Variants in CCDC74A observed in about 807,000 individuals in gnomAD.
CCDC74A encodes the protein coiled-coil domain containing 74A.
Under a neutral mutation model 37.6 loss-of-function variants are expected in CCDC74A, and 38 were observed. The ratio of observed to expected loss-of-function variants is 1.01; its 90% CI spans 0.78 to 1.33. The LOEUF is 1.33. CCDC74A is among the 40% of genes most tolerant of loss of function. CCDC74A has a pLI of 0.00. For missense variants in CCDC74A, 340 were observed against 403.4 expected (o/e 0.84, Z 1.35); for synonymous variants, 134 against 165.2 (o/e 0.81, Z 1.45).
At chr2:131,527,346 G>T (rs574409215), upstream of CCDC74A, among the ~76,000 whole-genome samples, 25 of 152,120 alleles carry the variant, frequency 1.6e-4, no homozygotes, top group African/African-American at 6.0e-4. Context: ...GCTCACTGCA[G>T]CCTCGACCTC....
chr2:131,524,300 C>T (rs1231418593), upstream of CCDC74A, among the ~76,000 whole-genome samples: 1 of 152,060 alleles, frequency 6.6e-6, no homozygotes, highest in East Asian at 1.9e-4. Context: ...GTATGGGTGC[C>T]AGGTTGACAA....
chr2:131,522,958 G>A (rs567638033), upstream of CCDC74A, among the ~76,000 whole-genome samples: 3 of 152,268 alleles, frequency 2.0e-5, no homozygotes, highest in Non-Finnish European at 4.4e-5. Flanking sequence ...AGGCTGGAGT[G>A]CACTGCACCA....
chr2:131,526,466 A>T (rs1378613412), upstream of CCDC74A, among the ~76,000 whole-genome samples: 1 of 152,034 alleles, frequency 6.6e-6, no homozygotes, highest in African/African-American at 2.4e-5. Context: ...TCTTTAGATT[A>T]TTTCTTAGAA....
chr2:131,523,848 AC>A (rs1226053821), upstream of CCDC74A, among the ~76,000 whole-genome samples: 1 of 151,430 alleles, frequency 6.6e-6, no homozygotes, highest in African/African-American at 2.4e-5. Flanking sequence ...TCCTAAACAC[AC>A]TGCATGTGTT....
chr2:131,524,460 A>G (rs1160671500), upstream of CCDC74A, among the ~76,000 whole-genome samples: 2 of 152,206 alleles, frequency 1.3e-5, no homozygotes, highest in East Asian at 3.8e-4. Context: ...GCAGCCATGC[A>G]TACATTTCTG....
chr2:131,526,161 T>A (rs1035042664), upstream of CCDC74A, among the ~76,000 whole-genome samples: 3 of 150,496 alleles, frequency 2.0e-5, no homozygotes, highest in African/African-American at 4.9e-5. Context: ...TTTTTTTTTT[T>A]TCTGAGATGG....
rs775412202 is a variant in CCDC74A at position 131,530,261 on chromosome 2, A to C, written c.296-516A>C. 7.1e-6 allele frequency: 11 copies of C among 1,544,828 alleles called. No individual in the cohort carries two copies. The South Asian group carries it at 1.1e-4, about 15-fold the overall frequency. On this transcript the variant is annotated intron_variant, in intron 2 of 7. Transcript: ENST00000409856. ...GCCCAGGATCCTGGGCTGTGGTCTC[A>C]AGCTCACTTCCCATTATCTTTGGGG...
Position 131,533,083 on chromosome 2 carries a change from G to A in CCDC74A, c.809+14G>A, listed in dbSNP as rs753026886. 4.3e-6 allele frequency: 7 copies of A among 1,613,602 alleles called. No individual in the cohort carries two copies. The highest frequency in any genetic ancestry group is 3.3e-5 in the Admixed American group (2 of 59,992). ...CTCCAAGAAATGGTAAGTCCCACAG[G>A]CATGGGGACAGTGGGGCAGCCCTGC... On this transcript the variant is annotated intron_variant, in intron 7 of 7. Transcript: ENST00000409856.
intron 1 of CCDC74A, among the ~76,000 whole-genome samples, chr2:131,528,897 C>G (rs576593955): frequency 2.0e-5 from 3 of 152,072 alleles, no homozygotes; most frequent in Non-Finnish European, 2.9e-5. Flanking sequence ...CTAAACACAT[C>G]GGATCAGGAG....
chr2:131,532,723 G>C lies in CCDC74A; in HGVS notation c.620G>C (p.Arg207Thr), dbSNP rs746887280. Reference sequence around the variant, plus strand: ...CCCCTGCGAAAGCCCACCACACTTAGGCAGTGCGAAGTGCTCATCCGCGAG... The same window carrying C: ...CCCCTGCGAAAGCCCACCACACTTACGCAGTGCGAAGTGCTCATCCGCGAG... ...PLPLRKPTTLRQCEVLIRELW... is the reference protein window; with the variant it reads ...PLPLRKPTTLTQCEVLIRELW... The change falls in exon 5 of 8, where the codon AGG becomes ACG. Residue 207 changes from arginine (R) to threonine (T), a missense_variant. Around this residue, in one of 3 missense-constraint regions of CCDC74A, gnomAD observed 185 missense variants for 231.5 expected, o/e 0.80. Coordinates refer to ENST00000409856, the MANE Select transcript of CCDC74A (RefSeq NM_001258306.3). 4 of 1,613,686 alleles carry C rather than the reference G, an allele frequency of 2.5e-6. No homozygotes were observed. The South Asian group carries it at 4.4e-5, about 18-fold the overall frequency.
At chr2:131,527,429 GT>G (rs968943683), upstream of CCDC74A, among the ~76,000 whole-genome samples, 3 of 151,870 alleles carry the variant, frequency 2.0e-5, no homozygotes, top group African/African-American at 2.4e-5. Context: ...CCATGCCCGG[GT>G]TTTTTTTCTT....
intron 6 of CCDC74A, 30 bp downstream of exon 6, chr2:131,532,967 C>G (rs1681621687): frequency 1.9e-6 from 3 of 1,613,970 alleles, no homozygotes; most frequent in Non-Finnish European, 2.5e-6. Context: ...CTGCCCCATC[C>G]CTGGGGTCCT....
chr2:131,527,815 T>G (rs1043108476), upstream of CCDC74A: 1 of 1,051,038 alleles, frequency 9.5e-7, no homozygotes, highest in African/African-American at 1.7e-5. Flanking sequence ...TGTAAATCAC[T>G]ACTCACCCAG....
At chr2:131,523,193 C>T (rs115439674), upstream of CCDC74A, among the ~76,000 whole-genome samples, 235 of 152,338 alleles carry the variant, frequency 1.5e-3, no homozygotes, top group African/African-American at 5.4e-3. Context: ...GTGTGAGCCA[C>T]CACGCTGGAG....
At chr2:131,524,000 C>T (rs1369552795), upstream of CCDC74A, among the ~76,000 whole-genome samples, 1 of 152,060 alleles carries the variant, frequency 6.6e-6, no homozygotes, top group East Asian at 1.9e-4. Flanking sequence ...CCACTTAGGT[C>T]TCTTCCAAGC....
intron 2 of CCDC74A, chr2:131,530,347 G>C (rs1229620126): frequency 3.9e-6 from 6 of 1,545,722 alleles, no homozygotes; most frequent in Admixed American, 3.9e-5. Flanking sequence ...GAACATCGCA[G>C]CTGGGGCAGT....
intron 1 of CCDC74A, 181 bp downstream of exon 1, chr2:131,528,401 T>C (rs1180192702): frequency 1.3e-6 from 2 of 1,550,452 alleles, no homozygotes; most frequent in African/African-American, 1.4e-5. Flanking sequence ...GAGACCCGCG[T>C]GGCCCCCGGG....
chr2:131,531,134 C>G (rs1681223031), intron 3 of CCDC74A, among the ~76,000 whole-genome samples: 1 of 152,094 alleles, frequency 6.6e-6, no homozygotes, highest in South Asian at 2.1e-4. Flanking sequence ...CCCTGGCTGC[C>G]CAGCAGCAGC....
At chr2:131,529,904 G>C (rs1356185040) in intron 2 of CCDC74A, 2 of 1,496,970 alleles carry the variant, frequency 1.3e-6, no homozygotes, top group African/African-American at 1.4e-5. Flanking sequence ...GGGAAGCCCA[G>C]GGCCTGAGGT....
Sources: allele counts gnomAD v4.1 joint callset (sites outside exome capture counted in the v4.1 genomes callset), GRCh38; gene constraint gnomAD v4.1.1; regional missense constraint gnomAD v4.1.1; transcripts MANE v1.5; gene names NCBI Gene and HGNC (gene_info 2026-07-23, HGNC 2026-07-21).